Variants in PACS1 observed in about 807,000 individuals in gnomAD.
PACS1 encodes the protein phosphofurin acidic cluster sorting protein 1.
A neutral mutation model predicts 115.0 loss-of-function variants in PACS1; 24 were observed. The observed-to-expected ratio is 0.21, with a 90% CI of 0.15 to 0.29. The LOEUF (loss-of-function observed/expected upper bound fraction) is 0.29, where lower values mean the gene tolerates loss of function less well. Among genes scored for constraint, PACS1 ranks in the 10% least tolerant of loss-of-function variants. The pLI is 1.00. For missense variants in PACS1, 838 were observed against 1,251.2 expected, an observed-to-expected ratio of 0.67 and a Z score of 4.98; for synonymous variants, 453 against 504.5, an observed-to-expected ratio of 0.90 and a Z score of 1.37.
At chr11:66,228,113 G>A (rs902968059) in intron 11 of PACS1, among the ~76,000 whole-genome samples, 1 of 150,262 alleles carries the variant, frequency 6.7e-6, no homozygotes, top group African/African-American at 2.4e-5. Context: ...GGGCACTGAA[G>A]ATGCAAACAT....
chr11:66,186,413 C>T (rs1167533544), intron 1 of PACS1, among the ~76,000 whole-genome samples: 2 of 152,170 alleles, frequency 1.3e-5, no homozygotes, highest in Admixed American at 6.5e-5. Context: ...GTACTTCTTC[C>T]CCTCAACCTA....
rs186676527 is a variant in PACS1 at position 66,081,003 on chromosome 11, A to G, written c.356+10161A>G. ...CAGCAATTTGGGAGGCTGAGGTGGA[A>G]GGATTGCTTGAGCCCAGGAGTTCGA... is the stretch of plus-strand genomic sequence containing the variant. On this transcript the variant is annotated intron_variant, in intron 1 of 23. Coordinates refer to ENST00000320580, the MANE Select transcript of PACS1 (RefSeq NM_018026.4). 1.5e-3 allele frequency among the ~76,000 whole-genome samples: 223 copies of G among 152,216 alleles called. 1 individual carries two copies. The highest frequency in any genetic ancestry group is 2.2e-3 in the Non-Finnish European group (149 of 68,010).
chr11:66,135,125 G>A (rs946196157), intron 1 of PACS1, among the ~76,000 whole-genome samples: 2 of 152,038 alleles, frequency 1.3e-5, no homozygotes, highest in Non-Finnish European at 1.5e-5. Context: ...GCTTGAACCC[G>A]GGATGTGGAG....
intron 1 of PACS1, among the ~76,000 whole-genome samples, chr11:66,098,854 CT>C (rs2134524276): frequency 6.6e-6 from 1 of 152,252 alleles, no homozygotes; most frequent in Non-Finnish European, 1.5e-5. Flanking sequence ...GTCATGATTT[CT>C]TGGCAAAAGT....
chr11:66,090,022 A>G (rs936512075), intron 1 of PACS1, among the ~76,000 whole-genome samples: 1 of 150,954 alleles, frequency 6.6e-6, no homozygotes, highest in Non-Finnish European at 1.5e-5. Context: ...AAAAAAAAAA[A>G]AAAGAAATGC....
At chr11:66,134,242 C>T (rs1307343588) in intron 1 of PACS1, among the ~76,000 whole-genome samples, 154 of 92,786 alleles carry the variant, frequency 1.7e-3, no homozygotes, top group Non-Finnish European at 3.0e-3. Flanking sequence ...ATTTCTTTTT[C>T]TTTTTCTTTT....
At chr11:66,184,105 C>T (rs1208374607) in intron 1 of PACS1, among the ~76,000 whole-genome samples, 1 of 151,922 alleles carries the variant, frequency 6.6e-6, no homozygotes, top group Non-Finnish European at 1.5e-5. Flanking sequence ...CTTTCTTCCC[C>T]TTTTTCTGTG....
chr11:66,218,882 T>A (rs1312014011), intron 7 of PACS1, among the ~76,000 whole-genome samples: 4 of 147,810 alleles, frequency 2.7e-5, no homozygotes, highest in Admixed American at 1.4e-4. Context: ...AAAGGCCCAG[T>A]ACAACAGCAT....
chr11:66,074,249 A>G (rs1857358540), intron 1 of PACS1, among the ~76,000 whole-genome samples: 1 of 152,158 alleles, frequency 6.6e-6, no homozygotes, highest in Non-Finnish European at 1.5e-5. Flanking sequence ...TAGTTTTGCT[A>G]TAGTTCCTTT....
intron 1 of PACS1, among the ~76,000 whole-genome samples, chr11:66,128,655 G>A (rs192598916): frequency 2.7e-4 from 41 of 152,202 alleles, no homozygotes; most frequent in Middle Eastern, 3.4e-3. Context: ...AGGCTGAGGA[G>A]GGTGGATCAC....
At chr11:66,230,135 TAAA>T (rs11357711) in intron 11 of PACS1, among the ~76,000 whole-genome samples, 13 of 96,868 alleles carry the variant, frequency 1.3e-4, no homozygotes, top group Non-Finnish European at 1.4e-4. Context: ...GGAATGGGGC[TAAA>T]AAAAAAAAAA....
intron 1 of PACS1, among the ~76,000 whole-genome samples, chr11:66,113,813 A>G (rs1858241206): frequency 6.6e-6 from 1 of 151,968 alleles, no homozygotes; most frequent in South Asian, 2.1e-4. Flanking sequence ...TTCATCTTTT[A>G]TTTTTCCTCC....
chr11:66,176,753 TAAAG>T (rs1197326401), intron 1 of PACS1, among the ~76,000 whole-genome samples: 1 of 152,098 alleles, frequency 6.6e-6, no homozygotes. Context: ...CCTGCTTTCT[TAAAG>T]AACCAGTTCT....
chr11:66,232,259 A>G lies in PACS1; in HGVS notation c.1714A>G (p.Thr572Ala). 1.2e-6 allele frequency: 2 copies of G among 1,609,974 alleles called. No homozygotes were observed. The highest frequency in any genetic ancestry group is 1.3e-5 in the African/African-American group (1 of 74,940). ...AGAAAATGTCATTCTGGTGAACACC[A>G]CTGACTGGCAGGGCCAGGTAAGTGC... ...LPENVILVNT[T>A]DWQGQYVAEL... The change falls in exon 14 of 24, where the codon ACT becomes GCT. Residue 572 changes from threonine to alanine, a missense_variant. Thr to Ala is a moderately conservative substitution (Grantham distance 58). This residue lies in a region of PACS1 where 383 missense variants were observed against 537.0 expected (regional missense o/e 0.71). Transcript: ENST00000320580.
At chr11:66,200,457 C>T (rs1226448242) in intron 2 of PACS1, among the ~76,000 whole-genome samples, 1 of 151,372 alleles carries the variant, frequency 6.6e-6, no homozygotes, top group Non-Finnish European at 1.5e-5. Flanking sequence ...GAAAAATATA[C>T]TCTATGCAAA....
chr11:66,177,872 A>G (rs1255704423), intron 1 of PACS1, among the ~76,000 whole-genome samples: 5 of 152,224 alleles, frequency 3.3e-5, no homozygotes, highest in African/African-American at 1.2e-4. Context: ...TTTTGTATCA[A>G]CATTTAGCAC....
At chr11:66,216,839 A>G in intron 7 of PACS1, 64 bp downstream of exon 7, 1 of 1,103,376 alleles carries the variant, frequency 9.1e-7, no homozygotes, top group East Asian at 2.5e-5. Context: ...GGTTGGCAGC[A>G]GCATATTCAG....
chr11:66,230,563 G>T lies in PACS1; in HGVS notation c.1390G>T (p.Asp464Tyr), dbSNP rs1855569285. 6.2e-7 allele frequency: 1 copy of T among 1,613,770 alleles called. No individual in the cohort carries two copies. Among genetic ancestry groups the T allele is most frequent in the Admixed American group, 1.7e-5 (1 of 60,008 alleles). The change falls in exon 12 of 24, where the codon GAC (aspartate) becomes TAC (tyrosine). Residue 464 changes from aspartate (D) to tyrosine (Y), a missense_variant. Asp to Tyr is a radical substitution (Grantham distance 160). This residue lies in a region of PACS1 where 383 missense variants were observed against 537.0 expected (regional missense o/e 0.71). Coordinates refer to ENST00000320580, the MANE Select transcript of PACS1 (RefSeq NM_018026.4). Reference sequence around the variant, plus strand: ...TCCATGGTAGGAAATCACTGACCAGGACATGTTTGGAGATGCCAGCACGAG... The same window carrying T: ...TCCATGGTAGGAAATCACTGACCAGTACATGTTTGGAGATGCCAGCACGAG... ...ETDTLEITDQ[D>Y]MFGDASTSLV... is the part of the protein sequence containing the mutation.
chr11:66,140,111 A>G (rs1361613025), intron 1 of PACS1, among the ~76,000 whole-genome samples: 2 of 152,234 alleles, frequency 1.3e-5, no homozygotes, highest in South Asian at 2.1e-4. Flanking sequence ...AAAGTGGACC[A>G]TAGCTCAGTG....
Sources: gnomAD v4.1 joint callset for allele counts (sites outside exome capture counted in the v4.1 genomes callset) on GRCh38, gnomAD v4.1.1 for gene constraint, gnomAD v4.1.1 regional missense constraint, MANE v1.5 for transcripts, NCBI Gene and HGNC (gene_info 2026-07-23, HGNC 2026-07-21) for gene names.